The following RAD51B variants were observed in gnomAD, a reference collection of about 807,000 sequenced individuals.
The protein encoded by RAD51B is DNA repair protein RAD51 homolog 2.
Under a neutral mutation model 42.2 loss-of-function variants are expected in RAD51B, and 38 were observed. The observed-to-expected ratio is 0.90, with a 90% CI of 0.70 to 1.18. The LOEUF (loss-of-function observed/expected upper bound fraction) is 1.18. Ranked by LOEUF, RAD51B falls within the 50% of genes most tolerant of loss-of-function variation. RAD51B has a pLI of 0.00. For synonymous variants in RAD51B, 154 were observed against 145.2 expected, an observed-to-expected ratio of 1.06 and a Z score of -0.43; for missense variants, 373 against 400.7, an observed-to-expected ratio of 0.93 and a Z score of 0.59.
At chr14:68,427,227 T>G (rs897478880) in intron 9 of RAD51B, among the ~76,000 whole-genome samples, 2 of 152,188 alleles carry the variant, frequency 1.3e-5, no homozygotes, top group African/African-American at 4.8e-5. Context: ...ACTGGAACTG[T>G]GGGGTTGCAG....
At chr14:68,379,105 G>A (rs994779953) in intron 8 of RAD51B, among the ~76,000 whole-genome samples, 3 of 152,146 alleles carry the variant, frequency 2.0e-5, no homozygotes, top group Non-Finnish European at 4.4e-5. Flanking sequence ...CTCATTCAAG[G>A]ATAAACTGAT....
chr14:68,619,511 A>G (rs144842658), intron 10 of RAD51B, among the ~76,000 whole-genome samples: 310 of 152,182 alleles, frequency 2.0e-3, no homozygotes, highest in African/African-American at 7.2e-3. Context: ...TTAAATAAAG[A>G]AGGAAAAGTC....
rs531614304 is a variant in RAD51B, at chr14:67,927,463, C to T, written c.756+40259C>T. ...CTATCTAACTATGTGTTTGTACCCA[C>T]AACCAACTTCTCCTGTCCTCTCCCC... is the stretch of plus-strand genomic sequence containing the variant. On this transcript the variant is annotated intron_variant, in intron 7 of 10. Coordinates refer to ENST00000471583, the MANE Select transcript of RAD51B (RefSeq NM_133510.4). Among the ~76,000 whole-genome samples the T allele has an allele frequency of 2.0e-5, 3 of 152,284 alleles. No homozygotes were observed. The South Asian group carries it at 6.2e-4, about 32-fold the overall frequency.
At chr14:68,627,989 A>G (rs2140120410) in intron 10 of RAD51B, among the ~76,000 whole-genome samples, 1 of 152,248 alleles carries the variant, frequency 6.6e-6, no homozygotes, top group South Asian at 2.1e-4. Flanking sequence ...GACAACCAGT[A>G]TGTCTTCCAA....
chr14:68,314,416 A>G (rs2082018231), intron 8 of RAD51B, among the ~76,000 whole-genome samples: 1 of 152,196 alleles, frequency 6.6e-6, no homozygotes, highest in Admixed American at 6.5e-5. Flanking sequence ...CTCAGTAGTC[A>G]GGTGGGGCTG....
chr14:68,198,993 G>A (rs7152570), intron 7 of RAD51B, among the ~76,000 whole-genome samples: 4,321 of 152,260 alleles, frequency 0.028, 227 homozygotes, highest in African/African-American at 0.099. Flanking sequence ...TCATGGAGAT[G>A]AGTTTGCCCT....
chr14:68,333,667 A>G (rs1177722955), intron 8 of RAD51B, among the ~76,000 whole-genome samples: 2 of 152,246 alleles, frequency 1.3e-5, no homozygotes, highest in Non-Finnish European at 2.9e-5. Context: ...TTAATAGATA[A>G]CATTGTACGT....
chr14:68,297,147 C>T (rs1461793853), intron 8 of RAD51B, among the ~76,000 whole-genome samples: 1 of 152,168 alleles, frequency 6.6e-6, no homozygotes, highest in Non-Finnish European at 1.5e-5. Context: ...AAAATAAGTT[C>T]AACAAGCAAG....
intron 8 of RAD51B, among the ~76,000 whole-genome samples, chr14:68,314,180 G>A (rs3784106): frequency 0.74 from 113,268 of 152,062 alleles, 42,455 homozygotes; most frequent in African/African-American, 0.83. Flanking sequence ...TAGCAAGTTC[G>A]CTATCATCGC....
In RAD51B at chr14:68,087,941, ATTATTATATATAATTATATAATT is replaced by A. The variant is rs1566634482; in HGVS notation, c.756+200739_756+200761del. On this transcript the variant is annotated intron_variant, in intron 7 of 10. Transcript: ENST00000471583. Reference sequence around the variant, plus strand: ...TATATTATATATAATTATATAATTTATTATTATATATAATTATATAATTTATTATTATATATAATTATATAATA... The same window carrying A: ...TATATTATATATAATTATATAATTTATATTATTATATATAATTATATAATA... 3.9e-3 allele frequency among the ~76,000 whole-genome samples: 305 copies of A among 77,506 alleles called. 4 individuals carry two copies. Among genetic ancestry groups the A allele is most frequent in the African/African-American group, 0.017 (201 of 11,758 alleles). 50.8% of individuals were successfully genotyped at this position (77,506 alleles called of 152,430 possible).
intron 7 of RAD51B, among the ~76,000 whole-genome samples, chr14:68,169,918 G>A (rs771586611): frequency 1.3e-5 from 2 of 152,158 alleles, no homozygotes; most frequent in Non-Finnish European, 2.9e-5. Flanking sequence ...TTGTTTATAT[G>A]TTTTGTGTAT....
chr14:67,975,475 C>G (rs1190885694), intron 7 of RAD51B, among the ~76,000 whole-genome samples: 3 of 152,206 alleles, frequency 2.0e-5, no homozygotes, highest in Non-Finnish European at 2.9e-5. Flanking sequence ...ACCTATTTTA[C>G]TTAAACTGGT....
At chr14:68,633,401 G>A (rs1232658638) in intron 10 of RAD51B, among the ~76,000 whole-genome samples, 1 of 151,992 alleles carries the variant, frequency 6.6e-6, no homozygotes, top group East Asian at 1.9e-4. Flanking sequence ...AGGAGAATAC[G>A]CCTTCCCCCA....
At chr14:68,425,936 T>C (rs1018870676) in intron 9 of RAD51B, among the ~76,000 whole-genome samples, 1 of 73,880 alleles carries the variant, frequency 1.4e-5, no homozygotes, top group Admixed American at 1.4e-4. Flanking sequence ...AGGCCATTCT[T>C]TTTCTTTCTT....
At chr14:68,313,228 G>A (rs2081996262) in intron 8 of RAD51B, among the ~76,000 whole-genome samples, 1 of 152,168 alleles carries the variant, frequency 6.6e-6, no homozygotes, top group Non-Finnish European at 1.5e-5. Flanking sequence ...CCTCCTTTGT[G>A]AATCTCTTCT....
intron 9 of RAD51B, among the ~76,000 whole-genome samples, chr14:68,435,921 A>T (rs1429498227): frequency 1.3e-5 from 2 of 152,154 alleles, no homozygotes; most frequent in East Asian, 1.9e-4. Flanking sequence ...GATTCTGGAT[A>T]TTAGACCTTT....
intron 7 of RAD51B, among the ~76,000 whole-genome samples, chr14:68,240,303 T>A (rs1356134684): frequency 6.6e-6 from 1 of 152,138 alleles, no homozygotes; most frequent in African/African-American, 2.4e-5. Flanking sequence ...CAACCTCAAC[T>A]CCACTTCCTT....
chr14:68,229,231 G>C (rs2080099816), intron 7 of RAD51B, among the ~76,000 whole-genome samples: 1 of 152,116 alleles, frequency 6.6e-6, no homozygotes, highest in African/African-American at 2.4e-5. Context: ...TTAATCTTTT[G>C]TATTGACCTG....
At chr14:68,061,767 T>C (rs1407351290) in intron 7 of RAD51B, among the ~76,000 whole-genome samples, 1 of 152,188 alleles carries the variant, frequency 6.6e-6, no homozygotes, top group Non-Finnish European at 1.5e-5. Flanking sequence ...CTTTACTGAG[T>C]TTGTCTATTC....
Sources: allele counts gnomAD v4.1 joint callset (sites outside exome capture counted in the v4.1 genomes callset), GRCh38; gene constraint gnomAD v4.1.1; transcripts MANE v1.5; gene names NCBI Gene and HGNC (gene_info 2026-07-23, HGNC 2026-07-21).